TRHDE: variants seen among roughly 807,000 people sequenced by gnomAD.
TRHDE encodes thyrotropin-releasing hormone-degrading ectoenzyme.
TRHDE carries 72 observed loss-of-function variants against 125.7 expected under a neutral mutation model. The observed-to-expected ratio is 0.57, with a 90% CI of 0.47 to 0.70. The LOEUF (loss-of-function observed/expected upper bound fraction) is 0.70. Ranked by LOEUF, TRHDE falls within the 30% of genes least tolerant of loss-of-function variation. TRHDE has a pLI of 0.00. For missense variants in TRHDE, 1,110 were observed against 1,327.1 expected (o/e 0.84, Z 2.54); for synonymous variants, 509 against 509.1 (o/e 1.00, Z 0.00).
chr12:72,322,259 G>A (rs1869130082), intron 2 of TRHDE, among the ~76,000 whole-genome samples: 1 of 151,910 alleles, frequency 6.6e-6, no homozygotes, highest in African/African-American at 2.4e-5. Flanking sequence ...TTCTTTTTGT[G>A]GTCTATTTAG....
rs560316315 is a variant in TRHDE at position 72,347,481 on chromosome 12, G to C, written c.1189-30514G>C. Among the ~76,000 whole-genome samples, 76 of 152,144 alleles carry C rather than the reference G, an allele frequency of 5.0e-4. 1 individual carries two copies. Among genetic ancestry groups the C allele is most frequent in the African/African-American group, 1.7e-3 (70 of 41,546 alleles). ...CACAGTTTCTGTGGGTTAGCAATCCGAATGCAGTTTAGCTAGGTTATCTGG... is the reference window on the plus strand; with the variant it reads ...CACAGTTTCTGTGGGTTAGCAATCCCAATGCAGTTTAGCTAGGTTATCTGG... On this transcript the variant is annotated intron_variant, in intron 2 of 18. Coordinates refer to ENST00000261180, the MANE Select transcript of TRHDE (RefSeq NM_013381.3).
intron 2 of TRHDE, chr12:72,264,410 G>A (rs907167597): frequency 1.3e-5 from 2 of 151,920 alleles, no homozygotes; most frequent in African/African-American, 2.4e-5. Flanking sequence ...ATGGGACATT[G>A]TTGTAGAAAT....
intron 2 of TRHDE, among the ~76,000 whole-genome samples, chr12:72,289,322 T>C (rs1880003793): frequency 6.6e-6 from 1 of 152,140 alleles, no homozygotes; most frequent in South Asian, 2.1e-4. Flanking sequence ...ATCACTGTTA[T>C]TATTTGCTGA....
intron 2 of TRHDE, among the ~76,000 whole-genome samples, chr12:72,340,874 A>G (rs910559838): frequency 2.3e-4 from 35 of 152,250 alleles, no homozygotes; most frequent in Admixed American, 2.0e-3. Flanking sequence ...GGATGAAAAG[A>G]CAGAATATTG....
intron 4 of TRHDE, among the ~76,000 whole-genome samples, chr12:72,470,118 A>G (rs1565754643): frequency 1.3e-5 from 2 of 152,208 alleles, no homozygotes; most frequent in East Asian, 1.9e-4. Context: ...TGAGTAAGCA[A>G]CTGTCATTCC....
At chr12:72,122,939 T>TAAC (rs1404415866) in intron 2 of TRHDE, among the ~76,000 whole-genome samples, 12 of 151,874 alleles carry the variant, frequency 7.9e-5, no homozygotes, top group East Asian at 3.9e-4. Context: ...AAGTGAAAGC[T>TAAC]AACAACAACA....
At chr12:72,099,651 T>C (rs868078534) in intron 1 of TRHDE, among the ~76,000 whole-genome samples, 1 of 152,220 alleles carries the variant, frequency 6.6e-6, no homozygotes, top group Admixed American at 6.5e-5. Context: ...AGAAATATAA[T>C]GGTTTCATGT....
intron 3 of TRHDE, among the ~76,000 whole-genome samples, chr12:72,412,080 A>G (rs1021099064): frequency 6.6e-6 from 1 of 152,162 alleles, no homozygotes. Flanking sequence ...TATACAAGAT[A>G]TAAAACCCAG....
chr12:72,640,945 T>G (rs1323955235), intron 15 of TRHDE, among the ~76,000 whole-genome samples: 2 of 152,234 alleles, frequency 1.3e-5, no homozygotes, highest in African/African-American at 4.8e-5. Flanking sequence ...ATGTTTTTCA[T>G]TGTCTTGGAA....
At chr12:72,434,193 T>C (rs1874630767) in intron 3 of TRHDE, among the ~76,000 whole-genome samples, 1 of 152,000 alleles carries the variant, frequency 6.6e-6, no homozygotes, top group South Asian at 2.1e-4. Context: ...AAGAGCAGCC[T>C]GGCCAACATA....
At chr12:72,136,949 T>C (rs1875999683) in intron 2 of TRHDE, among the ~76,000 whole-genome samples, 1 of 152,210 alleles carries the variant, frequency 6.6e-6, no homozygotes, top group African/African-American at 2.4e-5. Context: ...CAGCAGTGTG[T>C]ACTTTGGTCT....
At chr12:72,257,214 C>T (rs1444959106) in intron 2 of TRHDE, 1 of 152,052 alleles carries the variant, frequency 6.6e-6, no homozygotes, top group Non-Finnish European at 1.5e-5. Context: ...CTCCAAAATC[C>T]AAAACTATTT....
intron 2 of TRHDE, chr12:72,306,859 G>C (rs1374657039): frequency 6.6e-6 from 1 of 152,168 alleles, no homozygotes; most frequent in Non-Finnish European, 1.5e-5. Flanking sequence ...GTTAGGAAAG[G>C]CCTCTCTGAA....
chr12:72,175,788 T>C (rs909798509), intron 2 of TRHDE, among the ~76,000 whole-genome samples: 3 of 152,236 alleles, frequency 2.0e-5, no homozygotes, highest in African/African-American at 7.2e-5. Context: ...AAGATAAGCA[T>C]GCTACTATGA....
At chr12:72,624,305 T>C (rs150966243) in intron 15 of TRHDE, among the ~76,000 whole-genome samples, 2 of 152,112 alleles carry the variant, frequency 1.3e-5, no homozygotes, top group African/African-American at 4.8e-5. Context: ...TTGTTTGCTT[T>C]TTATTTGTTT....
intron 2 of TRHDE, among the ~76,000 whole-genome samples, chr12:72,114,217 T>C (rs556176969): frequency 4.1e-4 from 27 of 65,196 alleles, no homozygotes; most frequent in Non-Finnish European, 8.9e-4. Flanking sequence ...CATTCCTGTC[T>C]AAATATTTCA....
chr12:72,344,002 T>TA (rs1491362141), intron 2 of TRHDE, among the ~76,000 whole-genome samples: 3 of 117,686 alleles, frequency 2.5e-5, no homozygotes, highest in African/African-American at 1.2e-4. Context: ...TATATATATA[T>TA]TATTTTTCAC....
chr12:72,289,898 C>T (rs1311453801), intron 2 of TRHDE, among the ~76,000 whole-genome samples: 1 of 152,154 alleles, frequency 6.6e-6, no homozygotes, highest in Non-Finnish European at 1.5e-5. Flanking sequence ...TCTTTTGCAT[C>T]TAGTCCATTT....
intron 3 of TRHDE, among the ~76,000 whole-genome samples, chr12:72,412,068 C>T (rs1360619213): frequency 6.6e-6 from 1 of 152,050 alleles, no homozygotes; most frequent in Non-Finnish European, 1.5e-5. Context: ...GAAAGTCTTT[C>T]TTATACAAGA....
Sources: allele counts gnomAD v4.1 joint callset (sites outside exome capture counted in the v4.1 genomes callset), GRCh38; gene constraint gnomAD v4.1.1; transcripts MANE v1.5; gene names NCBI Gene and HGNC (gene_info 2026-07-23, HGNC 2026-07-21).